FRYL: variants seen among roughly 807,000 people sequenced by gnomAD.
FRYL encodes the protein FRY like transcription coactivator, also known as protein furry homolog-like.
Under a neutral mutation model 351.2 loss-of-function variants are expected in FRYL, and 150 were observed. The ratio of observed to expected loss-of-function variants is 0.43; its 90% CI spans 0.37 to 0.49. The LOEUF is 0.49. FRYL is among the 20% of genes least tolerant of loss of function. The pLI, the probability that FRYL is intolerant of heterozygous loss-of-function variation, is 0.00. For missense variants in FRYL, 3,036 were observed against 3,619.3 expected (o/e 0.84, Z 4.13); for synonymous variants, 1,153 against 1,257.1 (o/e 0.92, Z 1.75).
At chr4:48,551,404 C>A in intron 37 of FRYL, 90 bp downstream of exon 37, 1 of 706,762 alleles carries the variant, frequency 1.4e-6, no homozygotes, top group Non-Finnish European at 2.3e-6. Flanking sequence ...ACAGCAACAT[C>A]CACATTTCAA....
At chr4:48,543,474 C>T (rs960895470) in intron 44 of FRYL, among the ~76,000 whole-genome samples, 15 of 152,108 alleles carry the variant, frequency 9.9e-5, no homozygotes, top group African/African-American at 3.6e-4. Context: ...TATCTTAAAG[C>T]ATAAAATTCA....
chr4:48,540,987 T>A, intron 45 of FRYL, 27 bp from the exon 46 acceptor site: 1 of 1,475,912 alleles, frequency 6.8e-7, no homozygotes, highest in South Asian at 1.5e-5. Context: ...AATAGATGAA[T>A]GCATACCCAG....
rs540307308 is a variant in FRYL at position 48,587,550 on chromosome 4, A to T, written c.1641-822T>A. Among the ~76,000 whole-genome samples the T allele has an allele frequency of 4.3e-3, 642 of 148,002 alleles. 4 individuals carry two copies. The highest frequency in any genetic ancestry group is 0.011 in the Middle Eastern group (3 of 284). The stretch of plus-strand genomic sequence containing the variant: ...GTTTTGGGTTTTATTTTTATTTTTT[A>T]TTTTTTTTTTGAGATGGAGTTTCGC... On this transcript the variant is annotated intron_variant, in intron 18 of 63. Transcript: ENST00000358350.
rs1727039341 is a variant in FRYL at position 48,529,449 on chromosome 4, A to G, written c.6904-1113T>C. 2.6e-5 allele frequency among the ~76,000 whole-genome samples: 4 copies of G among 152,324 alleles called. No homozygotes were observed. The South Asian group carries it at 8.3e-4, about 32-fold the overall frequency. On this transcript the variant is annotated intron_variant, in intron 50 of 63. Transcript: ENST00000358350. ...ATTTGCATCACTGCTTCAAATAACG[A>G]TCGATTTCTGAATCAGAAGGAAAAG...
At chr4:48,702,033 A>G (rs1766773747) in intron 2 of FRYL, among the ~76,000 whole-genome samples, 1 of 152,238 alleles carries the variant, frequency 6.6e-6, no homozygotes, top group East Asian at 1.9e-4. Flanking sequence ...AGTTCTATTC[A>G]AAATTTTATA....
In FRYL at chr4:48,567,946, C is replaced by A. The variant is rs73817808; in HGVS notation, c.2997-526G>T. Among the ~76,000 whole-genome samples the A allele has an allele frequency of 0.029, 4,441 of 152,286 alleles. 77 individuals carry two copies. The highest frequency in any genetic ancestry group is 0.046 in the Admixed American group (711 of 15,298). ...TAGAGTACTGGGTTTCAAAACCTTT[C>A]TATACCTATGAAATTGCCTTTAAGA... On this transcript the variant is annotated intron_variant, in intron 27 of 63. Coordinates refer to ENST00000358350, the MANE Select transcript of FRYL (RefSeq NM_015030.2). The surrounding 1 kb of genome is among the most constrained non-coding windows in gnomAD (Gnocchi z 4.2).
intron 19 of FRYL, 60 bp from the exon 20 acceptor site, chr4:48,582,794 GA>G: frequency 8.9e-7 from 1 of 1,121,138 alleles, no homozygotes; most frequent in Non-Finnish European, 1.3e-6. Context: ...TTTATCATCT[GA>G]AACTTAAAAC....
chr4:48,698,979 G>A (rs1766466381), intron 2 of FRYL, among the ~76,000 whole-genome samples: 1 of 152,076 alleles, frequency 6.6e-6, no homozygotes, highest in Non-Finnish European at 1.5e-5. Flanking sequence ...TAATTACCGA[G>A]AGCCTACTAT....
chr4:48,540,099 C>T, intron 46 of FRYL, 31 bp from the exon 47 acceptor site: 1 of 1,494,530 alleles, frequency 6.7e-7, no homozygotes, highest in Non-Finnish European at 9.2e-7. Flanking sequence ...AAACAATAAC[C>T]AATTTTATTG....
chr4:48,574,790 TACACATTAAAAGAATG>T (rs1739227462), intron 25 of FRYL, among the ~76,000 whole-genome samples: 1 of 152,196 alleles, frequency 6.6e-6, no homozygotes, highest in African/African-American at 2.4e-5. Context: ...AGAGCAAGAT[TACACATTAAAAGAATG>T]ACTACATAAA....
intron 26 of FRYL, among the ~76,000 whole-genome samples, chr4:48,571,371 C>A (rs767656340): frequency 2.0e-5 from 3 of 152,114 alleles, no homozygotes; most frequent in Non-Finnish European, 4.4e-5. Flanking sequence ...TAAACAAATA[C>A]AAGAAAAACT....
At chr4:48,687,796 G>A (rs566681336) in intron 2 of FRYL, among the ~76,000 whole-genome samples, 14 of 152,156 alleles carry the variant, frequency 9.2e-5, no homozygotes, top group East Asian at 3.9e-4. Flanking sequence ...TCTGTATGCC[G>A]GGAATACTCC....
intron 3 of FRYL, among the ~76,000 whole-genome samples, chr4:48,644,671 T>C (rs1393048787): frequency 1.3e-5 from 2 of 151,870 alleles, no homozygotes; most frequent in Non-Finnish European, 2.9e-5. Context: ...CAAACCTGAC[T>C]GGATAAAACA....
At chr4:48,642,935 C>T (rs1339886255) in intron 3 of FRYL, among the ~76,000 whole-genome samples, 1 of 152,130 alleles carries the variant, frequency 6.6e-6, no homozygotes, top group Non-Finnish European at 1.5e-5. Flanking sequence ...ACCTCTTTTG[C>T]TTCCCTTCTA....
At chr4:48,645,002 G>C (rs953651161) in intron 3 of FRYL, among the ~76,000 whole-genome samples, 8 of 150,574 alleles carry the variant, frequency 5.3e-5, no homozygotes, top group Non-Finnish European at 1.0e-4. Context: ...AAGAAAAGGT[G>C]CCAAAAGATA....
chr4:48,574,291 TTTAAG>T (rs1739050775), intron 25 of FRYL, among the ~76,000 whole-genome samples: 1 of 152,204 alleles, frequency 6.6e-6, no homozygotes, highest in African/African-American at 2.4e-5. Flanking sequence ...ATTTAATTAT[TTTAAG>T]TTGAGATCAC....
At chr4:48,689,838 C>T (rs1457968785) in intron 2 of FRYL, among the ~76,000 whole-genome samples, 2 of 151,852 alleles carry the variant, frequency 1.3e-5, no homozygotes, top group Non-Finnish European at 2.9e-5. Context: ...TAAAAATCCT[C>T]CTTATACTTA....
intron 1 of FRYL, among the ~76,000 whole-genome samples, chr4:48,721,423 G>T: frequency 6.6e-6 from 1 of 151,614 alleles, no homozygotes; most frequent in Non-Finnish European, 1.5e-5. Flanking sequence ...CTAGTACTTT[G>T]GGAGGCCAAG....
At chr4:48,651,629 T>C (rs1757732067) in intron 3 of FRYL, among the ~76,000 whole-genome samples, 1 of 152,162 alleles carries the variant, frequency 6.6e-6, no homozygotes, top group African/African-American at 2.4e-5. Context: ...AAGGAACACG[T>C]TTTATACTTC....
Sources: allele counts gnomAD v4.1 joint callset (sites outside exome capture counted in the v4.1 genomes callset), GRCh38; gene constraint gnomAD v4.1.1; non-coding constraint Gnocchi (gnomAD v3.1); transcripts MANE v1.5; gene names NCBI Gene and HGNC (gene_info 2026-07-23, HGNC 2026-07-21).